CUL5: variants seen among roughly 807,000 people sequenced by gnomAD.
CUL5 encodes cullin 5, also known as cullin-5.
Under a neutral mutation model 108.8 loss-of-function variants are expected in CUL5, and 26 were observed. The observed-to-expected ratio is 0.24, with a 90% CI of 0.18 to 0.33. The LOEUF is 0.33. Ranked by LOEUF, CUL5 falls within the 10% of genes least tolerant of loss-of-function variation. The probability of loss-of-function intolerance (pLI) is 1.00; values close to 1 mark genes in which losing one functional copy is unlikely to be tolerated. For synonymous variants in CUL5, 334 were observed against 298.0 expected (o/e 1.12, Z -1.25); for missense variants, 524 against 909.2 (o/e 0.58, Z 5.45).
intron 8 of CUL5, 100 bp downstream of exon 8, chr11:108,070,289 G>C: frequency 1.3e-6 from 1 of 772,116 alleles, no homozygotes; most frequent in Non-Finnish European, 2.2e-6. Context: ...TTTCCACATA[G>C]GTATATGTGG....
chr11:108,037,526 T>C (rs1862777180), intron 2 of CUL5, among the ~76,000 whole-genome samples: 3 of 152,184 alleles, frequency 2.0e-5, no homozygotes, highest in South Asian at 2.1e-4. Flanking sequence ...AGGGAAAAAG[T>C]GTGTGTGGCA....
At chr11:108,071,791 T>G (rs1410647982) in intron 8 of CUL5, among the ~76,000 whole-genome samples, 1 of 152,088 alleles carries the variant, frequency 6.6e-6, no homozygotes, top group African/African-American at 2.4e-5. Flanking sequence ...TGGGCTCAAA[T>G]GATCCTCCCA....
At chr11:108,034,979 A>G (rs2135090869) in intron 2 of CUL5, among the ~76,000 whole-genome samples, 1 of 152,282 alleles carries the variant, frequency 6.6e-6, no homozygotes, top group African/African-American at 2.4e-5. Context: ...TGGGTAGCCT[A>G]GAAAACATCA....
At chr11:108,088,964 T>C (rs1343815283) in intron 12 of CUL5, among the ~76,000 whole-genome samples, 1 of 152,150 alleles carries the variant, frequency 6.6e-6, no homozygotes, top group Middle Eastern at 3.2e-3. Flanking sequence ...AGTTGACAGA[T>C]TGGGAGTTTT....
intron 1 of CUL5, among the ~76,000 whole-genome samples, chr11:108,028,403 C>A (rs1012995638): frequency 1.3e-5 from 2 of 152,200 alleles, no homozygotes; most frequent in Admixed American, 1.3e-4. Flanking sequence ...TGAACCACTT[C>A]TCATACCTCC....
At chr11:108,066,779 A>C (rs1392880803) in intron 7 of CUL5, among the ~76,000 whole-genome samples, 1 of 152,206 alleles carries the variant, frequency 6.6e-6, no homozygotes, top group Non-Finnish European at 1.5e-5. Context: ...TTTGTCCTTA[A>C]GTTTATAGTA....
chr11:108,021,007 AT>A (rs1862314599), intron 1 of CUL5, among the ~76,000 whole-genome samples: 1 of 152,170 alleles, frequency 6.6e-6, no homozygotes, highest in Non-Finnish European at 1.5e-5. Context: ...CTATGTTTAG[AT>A]ACACAAATTC....
intron 1 of CUL5, among the ~76,000 whole-genome samples, chr11:108,028,849 T>G (rs1862509926): frequency 6.6e-6 from 1 of 152,030 alleles, no homozygotes; most frequent in Non-Finnish European, 1.5e-5. Context: ...TAAAAAAGAT[T>G]ATGACACTTC....
At chr11:108,069,880 A>C (rs1863779042) in intron 7 of CUL5, among the ~76,000 whole-genome samples, 1 of 152,212 alleles carries the variant, frequency 6.6e-6, no homozygotes, top group South Asian at 2.1e-4. Context: ...ATTTCTAAAG[A>C]GAGTCTAGTT....
At chr11:108,046,139 A>G (rs1451060875) in intron 2 of CUL5, 131 bp from the exon 3 acceptor site, 7 of 526,114 alleles carry the variant, frequency 1.3e-5, no homozygotes, top group Non-Finnish European at 1.7e-5. Context: ...CTTGGTTTAT[A>G]TGAGTGAATT....
chr11:108,078,112 G>A, intron 10 of CUL5, 64 bp from the exon 11 acceptor site: 1 of 915,444 alleles, frequency 1.1e-6, no homozygotes, highest in Non-Finnish European at 1.7e-6. Context: ...GTTTTGGGAT[G>A]TATAAAAATT....
At chr11:108,041,249 T>C (rs571235358) in intron 2 of CUL5, among the ~76,000 whole-genome samples, 1 of 152,202 alleles carries the variant, frequency 6.6e-6, no homozygotes, top group African/African-American at 2.4e-5. Context: ...TCTCTTATAT[T>C]AATAATCTCA....
rs769430111 is a variant in CUL5 at position 108,104,403 on chromosome 11, A to G, written c.*19A>G. On this transcript the variant is annotated 3_prime_UTR_variant, in exon 19 of 19. Coordinates refer to ENST00000393094, the MANE Select transcript of CUL5 (RefSeq NM_003478.6). ...GGCATAATTTTGAATATCATGGACA[A>G]TATTTAGAACCCAAATTTTGGAGTG... is the stretch of plus-strand genomic sequence containing the variant. 30 of 1,463,530 alleles carry G rather than the reference A, an allele frequency of 2.0e-5. No individual in the cohort carries two copies. Among genetic ancestry groups the G allele is most frequent in the Non-Finnish European group, 2.7e-5 (30 of 1,103,570 alleles). The allele number at this position is 1,463,530 out of a possible 1,614,324, so 90.7% of individuals were successfully genotyped here.
chr11:108,023,153 G>T (rs1438820806), intron 1 of CUL5, among the ~76,000 whole-genome samples: 1 of 152,076 alleles, frequency 6.6e-6, no homozygotes, highest in African/African-American at 2.4e-5. Flanking sequence ...TGAGGCAGGA[G>T]AATGAGAATC....
intron 11 of CUL5, among the ~76,000 whole-genome samples, chr11:108,084,512 G>T (rs372878522): frequency 4.7e-4 from 71 of 152,274 alleles, no homozygotes; most frequent in African/African-American, 1.6e-3. Context: ...GCTAACCCTG[G>T]AGATGGACTG....
chr11:108,098,770 CCA>C (rs978359423), intron 18 of CUL5, among the ~76,000 whole-genome samples: 14 of 151,602 alleles, frequency 9.2e-5, no homozygotes, highest in African/African-American at 3.4e-4. Flanking sequence ...AATATGAATT[CCA>C]GTTTCATATT....
intron 13 of CUL5, among the ~76,000 whole-genome samples, chr11:108,093,737 A>G (rs886604632): frequency 2.0e-5 from 3 of 152,124 alleles, no homozygotes; most frequent in African/African-American, 7.2e-5. Flanking sequence ...AAGCAACAGG[A>G]TCTTCTGTTG....
rs760644809 is a variant in CUL5, at chr11:108,078,223, A to G, written c.1161A>G (p.Leu387=). Residue 387 remains leucine, a synonymous_variant, in exon 11 of 19, where the codon TTA becomes TTG. Coordinates refer to ENST00000393094, the MANE Select transcript of CUL5 (RefSeq NM_003478.6). ...VNDATIFKLE[L]PLKQKGVGLK... ...ATGCTACCATATTTAAACTTGAATT[A>G]CCTTTGAAGCAGAAGGGGTAAGTTT... 1 of 1,575,870 alleles carries G rather than the reference A, an allele frequency of 6.3e-7. No individual in the cohort carries two copies. The highest frequency in any genetic ancestry group is 8.6e-7 in the Non-Finnish European group (1 of 1,157,916).
chr11:108,063,655 T>TAAA lies in CUL5; in HGVS notation c.781-6441_781-6440insAAA, dbSNP rs1456239644. On this transcript the variant is annotated intron_variant, in intron 7 of 18. Transcript: ENST00000393094. ...TAATAAATAATAAAATTAATAAAAT[T>TAAA]TAAAAAAAATAAATAAATAGTGCTG... Among the ~76,000 whole-genome samples the TAAA allele has an allele frequency of 0.01, 66 of 6,308 alleles. No individual in the cohort carries two copies. The South Asian group carries it at 0.18, about 18-fold the overall frequency. 4.1% of individuals were successfully genotyped at this position (6,308 alleles called of 152,430 possible).
Sources: gnomAD v4.1 joint callset for allele counts (sites outside exome capture counted in the v4.1 genomes callset) on GRCh38, gnomAD v4.1.1 for gene constraint, MANE v1.5 for transcripts, NCBI Gene and HGNC (gene_info 2026-07-23, HGNC 2026-07-21) for gene names.